NOL8: variants seen among roughly 807,000 people sequenced by gnomAD.
The protein encoded by NOL8 is nucleolar protein 8.
A neutral mutation model predicts 116.1 loss-of-function variants in NOL8; 93 were observed. The ratio of observed to expected loss-of-function variants is 0.80; its 90% CI spans 0.68 to 0.95. The LOEUF (loss-of-function observed/expected upper bound fraction) is 0.95, where lower values mean the gene tolerates loss of function less well. Ranked by LOEUF, NOL8 falls within the 40% of genes least tolerant of loss-of-function variation. The pLI is 0.00. For synonymous variants in NOL8, 419 were observed against 469.0 expected (o/e 0.89, Z 1.38); for missense variants, 1,291 against 1,382.8 (o/e 0.93, Z 1.05).
At chr9:92,323,356 G>A (rs1840081454) in intron 3 of NOL8, 85 bp downstream of exon 3, 1 of 1,542,630 alleles carries the variant, frequency 6.5e-7, no homozygotes, top group Non-Finnish European at 8.8e-7. Context: ...AAATGGCTGT[G>A]GAGGTTTAGA....
intron 7 of NOL8, among the ~76,000 whole-genome samples, chr9:92,311,582 A>C (rs1208554526): frequency 6.6e-6 from 1 of 152,222 alleles, no homozygotes; most frequent in Non-Finnish European, 1.5e-5. Context: ...CACATGGCCA[A>C]CAAGCATACA....
At chr9:92,300,826 AAAAAT>A in intron 13 of NOL8, 1 of 1,114,108 alleles carries the variant, frequency 9.0e-7, no homozygotes, top group South Asian at 2.0e-5. Flanking sequence ...AAAAAAAAAA[AAAAAT>A]TATTTTAATC....
chr9:92,308,376 T>TAAA (rs955406722), intron 10 of NOL8, among the ~76,000 whole-genome samples: 21 of 151,236 alleles, frequency 1.4e-4, no homozygotes, highest in Non-Finnish European at 2.8e-4. Context: ...AAAATAAAAA[T>TAAA]AAAATGTTGA....
chr9:92,299,113 T>C (rs1837498450), intron 14 of NOL8, among the ~76,000 whole-genome samples, 159 bp from the exon 15 acceptor site: 1 of 152,226 alleles, frequency 6.6e-6, no homozygotes, highest in Non-Finnish European at 1.5e-5. Context: ...GACTCTTAAA[T>C]ATATCTGCTT....
Position 92,306,944 on chromosome 9 carries a change from A to G in NOL8, c.2767T>C (p.Leu923=), listed in dbSNP as rs1266224891. ...KKALNVVQSV[L]QINLSNSTNR... ...GTAGAATTGCTTAAGTTGATTTGCA[A>G]AACACTTTGTACAACATTCAGGGCT... is the stretch of plus-strand genomic sequence containing the variant. The change falls in exon 11 of 17, where the codon TTG becomes CTG. Residue 923 remains leucine (L), a synonymous_variant. Coordinates refer to ENST00000442668, the MANE Select transcript of NOL8 (RefSeq NM_017948.6). 3 of 1,613,424 alleles carry G rather than the reference A, an allele frequency of 1.9e-6. No homozygotes were observed. Among genetic ancestry groups the G allele is most frequent in the Non-Finnish European group, 2.5e-6 (3 of 1,179,684 alleles).
chr9:92,299,568 T>C (rs1269202117), intron 14 of NOL8, among the ~76,000 whole-genome samples: 1 of 152,050 alleles, frequency 6.6e-6, no homozygotes, highest in African/African-American at 2.4e-5. Context: ...CTGGCCAACA[T>C]GGTGAAACCT....
intron 13 of NOL8, 74 bp from the exon 14 acceptor site, chr9:92,300,090 A>T (rs2134081071): frequency 6.5e-7 from 1 of 1,535,356 alleles, no homozygotes; most frequent in East Asian, 2.3e-5. Flanking sequence ...CATTCATTTG[A>T]TTACTTTTAC....
At chr9:92,320,716 C>A (rs1839853843) in intron 4 of NOL8, among the ~76,000 whole-genome samples, 1 of 152,016 alleles carries the variant, frequency 6.6e-6, no homozygotes. Context: ...AAGTGATTCT[C>A]CTGCCTCAGC....
At position 92,315,533 on chromosome 9, in the gene NOL8, AT is replaced by A; in HGVS notation, c.1091del (p.Asp364ValfsTer7). On this transcript the variant is annotated frameshift_variant, in exon 7 of 17. Transcript: ENST00000442668. LOFTEE classifies it high-confidence loss of function. ...CATTTCTCATAATATCATCATCACT[AT>A]CATGGCAAGAGACACGATTTTTGAT... ...LGIKNRVSCH[D>X]SDDDIMRNDR... 6.2e-7 allele frequency: 1 copy of A among 1,611,856 alleles called. No individual in the cohort carries two copies. The highest frequency in any genetic ancestry group is 8.5e-7 in the Non-Finnish European group (1 of 1,179,084).
At chr9:92,310,528 CTAAT>C (rs778566643) in intron 9 of NOL8, 21 bp downstream of exon 9, 558 of 1,577,856 alleles carry the variant, frequency 3.5e-4, no homozygotes, top group South Asian at 5.6e-4. Flanking sequence ...TGCTGCAAGT[CTAAT>C]TATTTTCAGT....
At position 92,299,930 on chromosome 9, in the gene NOL8, C is replaced by T. The variant is rs1260146865; in HGVS notation, c.3262G>A (p.Asp1088Asn). 1.2e-6 allele frequency: 2 copies of T among 1,613,452 alleles called. No individual in the cohort carries two copies. ...CTGTGATCTGTTTCTTCAGTAACAT[C>T]TTCCTCTTCTGAACTGCTGTCTTGT... ...RLQDSSSEEEDVTEETDHRNS... is the reference protein window; with the variant it reads ...RLQDSSSEEENVTEETDHRNS... The change falls in exon 14 of 17, where the codon GAT (aspartate) becomes AAT (asparagine). Residue 1088 changes from aspartate to asparagine, a missense_variant. By Grantham distance (23) the Asp-to-Asn change is conservative. Coordinates refer to ENST00000442668, the MANE Select transcript of NOL8 (RefSeq NM_017948.6).
rs199815525 is a variant in NOL8, at chr9:92,301,808, T to C, written c.2918A>G (p.Lys973Arg). ...TTTCTCAGCTTCCTCCCTTTTCTTT[T>C]TTCGTTTTGCTTTACTGAAATGACA... Reference protein sequence around the residue: ...DKPKESKAKRKKKREEAEKLP... With the variant: ...DKPKESKAKRRKKREEAEKLP... The change falls in exon 13 of 17, where the codon AAA (lysine) becomes AGA (arginine). Residue 973 changes from lysine (K) to arginine (R), a missense_variant. Physicochemically the swap from Lys to Arg is conservative, Grantham distance 26. Transcript: ENST00000442668. 5.1e-4 allele frequency: 812 copies of C among 1,587,810 alleles called. 1 individual carries two copies. Among genetic ancestry groups the C allele is most frequent in the South Asian group, 1.1e-3 (93 of 87,420 alleles).
At chr9:92,297,982 G>C in intron 16 of NOL8, 96 bp from the exon 17 acceptor site, 1 of 1,064,766 alleles carries the variant, frequency 9.4e-7, no homozygotes, top group Non-Finnish European at 1.3e-6. Context: ...TGTCAGGGCT[G>C]TGGAAACCTA....
intron 7 of NOL8, 118 bp from the exon 8 acceptor site, chr9:92,311,377 C>T: frequency 1.6e-6 from 1 of 631,120 alleles, no homozygotes; most frequent in Non-Finnish European, 2.7e-6. Context: ...AGAGCTTCTG[C>T]ACAGCAAAAG....
chr9:92,310,071 G>C, intron 10 of NOL8, 100 bp downstream of exon 10: 2 of 774,634 alleles, frequency 2.6e-6, no homozygotes. Context: ...AATGTCTTGG[G>C]ATGGAGAGTT....
At chr9:92,312,204 C>T (rs1033194171) in intron 7 of NOL8, among the ~76,000 whole-genome samples, 3 of 152,082 alleles carry the variant, frequency 2.0e-5, no homozygotes, top group African/African-American at 7.2e-5. Context: ...CCTGAAATCC[C>T]AGCACTTTGG....
intron 13 of NOL8, chr9:92,300,348 T>A: frequency 1.0e-6 from 1 of 995,878 alleles, no homozygotes; most frequent in Non-Finnish European, 1.2e-6. Context: ...TGTGCTTGCA[T>A]GAGAAGCCTA....
chr9:92,323,162 G>A (rs1430242619), intron 3 of NOL8: 2 of 550,822 alleles, frequency 3.6e-6, no homozygotes, highest in Non-Finnish European at 6.0e-6. Context: ...TGGGATATAT[G>A]TAACAGGCAG....
intron 4 of NOL8, among the ~76,000 whole-genome samples, chr9:92,320,799 G>T (rs1472615733): frequency 6.6e-6 from 1 of 152,048 alleles, no homozygotes; most frequent in African/African-American, 2.4e-5. Flanking sequence ...TAGAGACGGG[G>T]TTTCACCACT....
Sources: gnomAD v4.1 joint callset for allele counts (sites outside exome capture counted in the v4.1 genomes callset) on GRCh38, gnomAD v4.1.1 for gene constraint, MANE v1.5 for transcripts, NCBI Gene and HGNC (gene_info 2026-07-23, HGNC 2026-07-21) for gene names.